Variants in TCF24 observed in about 807,000 individuals in gnomAD.
TCF24 encodes the protein transcription factor 24.
A neutral mutation model predicts 9.3 loss-of-function variants in TCF24; 5 were observed. The ratio of observed to expected loss-of-function variants is 0.54; its 90% CI spans 0.28 to 1.13. TCF24 has a LOEUF of 1.13. Among genes scored for constraint, TCF24 ranks in the 50% most tolerant of loss-of-function variants. TCF24 has a pLI of 0.09. For synonymous variants in TCF24, 110 were observed against 115.8 expected, an observed-to-expected ratio of 0.95 and a Z score of 0.32; for missense variants, 220 against 236.1, an observed-to-expected ratio of 0.93 and a Z score of 0.45.
intron 3 of TCF24, among the ~76,000 whole-genome samples, chr8:66,957,544 C>T (rs1814179788): frequency 6.6e-6 from 1 of 152,012 alleles, no homozygotes; most frequent in Non-Finnish European, 1.5e-5. Context: ...CTAAACCCTG[C>T]ATCTTGATTT....
intron 3 of TCF24, among the ~76,000 whole-genome samples, chr8:66,948,705 A>ATCTAT (rs746421033): frequency 0.016 from 2,241 of 138,138 alleles, 24 homozygotes; most frequent in African/African-American, 0.029. Context: ...CTATCTATCT[A>ATCTAT]TTTTTTTTGA....
At chr8:66,950,066 C>A (rs1470867453) in intron 3 of TCF24, among the ~76,000 whole-genome samples, 2 of 119,108 alleles carry the variant, frequency 1.7e-5, no homozygotes, top group African/African-American at 3.3e-5. Flanking sequence ...TGCCTGTTCA[C>A]TCTGATGGTA....
rs867670904 is a variant in TCF24 at position 66,948,885 on chromosome 8, A to G, written c.391-721T>C. 2.7e-4 allele frequency among the ~76,000 whole-genome samples: 41 copies of G among 152,216 alleles called. No individual in the cohort carries two copies. The Middle Eastern group carries it at 0.017, about 63-fold the overall frequency. ...TAATTTTTGTATTTTTAGTAGAGACAGGGTATTACCACGCTGTCCACGTCG... is the reference window on the plus strand; with the variant it reads ...TAATTTTTGTATTTTTAGTAGAGACGGGGTATTACCACGCTGTCCACGTCG... On this transcript the variant is annotated intron_variant, in intron 3 of 3. Coordinates refer to ENST00000563496, the MANE Select transcript of TCF24 (RefSeq NM_001193502.2).
intron 3 of TCF24, among the ~76,000 whole-genome samples, chr8:66,953,384 G>C (rs1305451448): frequency 2.0e-5 from 3 of 151,020 alleles, no homozygotes; most frequent in African/African-American, 7.3e-5. Context: ...TGAAATTCTG[G>C]GTTGAAAATT....
chr8:66,959,702 A>ATTTTG (rs1814223366), intron 3 of TCF24, among the ~76,000 whole-genome samples: 1 of 152,234 alleles, frequency 6.6e-6, no homozygotes. Flanking sequence ...TAAATGTTTG[A>ATTTTG]TTTTAAAACA....
At chr8:66,957,895 T>TAAAAAAAAAAA (rs11299517) in intron 3 of TCF24, among the ~76,000 whole-genome samples, 3 of 43,062 alleles carry the variant, frequency 7.0e-5, no homozygotes, top group Non-Finnish European at 8.6e-5. Flanking sequence ...TAAGAATTGC[T>TAAAAAAAAAAA]AAAAAAAAAA....
intron 3 of TCF24, among the ~76,000 whole-genome samples, chr8:66,960,394 A>G (rs1814234459): frequency 6.6e-6 from 1 of 152,058 alleles, no homozygotes; most frequent in Non-Finnish European, 1.5e-5. Flanking sequence ...ACTTAAAGCT[A>G]AGTCTTAAGT....
In TCF24 at chr8:66,961,709, G is replaced by A. The variant is rs1814258788; in HGVS notation, c.57C>T (p.Pro19=). Residue 19 remains proline, a synonymous_variant, in exon 3 of 4, where the codon CCC becomes CCT. Transcript: ENST00000563496. ...GCGAGTCGCGGATGGCGGCGGCCAGGGGCGCGGGCTCGGCGCTGGCGCTGA... is the reference window on the plus strand; with the variant it reads ...GCGAGTCGCGGATGGCGGCGGCCAGAGGCGCGGGCTCGGCGCTGGCGCTGA... ...SPLSASAEPA[P]LAAAIRDSRP... 9.1e-7 allele frequency: 1 copy of A among 1,095,238 alleles called. No homozygotes were observed. Among genetic ancestry groups the A allele is most frequent in the Non-Finnish European group, 1.1e-6 (1 of 901,644 alleles). 67.8% of individuals were successfully genotyped at this position (1,095,238 alleles called of 1,614,324 possible).
At chr8:66,955,625 T>A (rs1814141123) in intron 3 of TCF24, among the ~76,000 whole-genome samples, 2 of 152,226 alleles carry the variant, frequency 1.3e-5, no homozygotes, top group Admixed American at 1.3e-4. Context: ...CAACCCAAGT[T>A]GCTAATATTA....
At chr8:66,949,669 G>C (rs1814025518) in intron 3 of TCF24, among the ~76,000 whole-genome samples, 1 of 152,098 alleles carries the variant, frequency 6.6e-6, no homozygotes, top group South Asian at 2.1e-4. Context: ...AGATCCTTGA[G>C]GAATCGCCAC....
intron 3 of TCF24, among the ~76,000 whole-genome samples, chr8:66,960,286 CA>C (rs1814233100): frequency 6.6e-6 from 1 of 151,898 alleles, no homozygotes; most frequent in African/African-American, 2.4e-5. Flanking sequence ...ATTATATTTG[CA>C]AAGTAAATTT....
chr8:66,951,817 T>A (rs1392496677), intron 3 of TCF24, among the ~76,000 whole-genome samples: 1 of 151,904 alleles, frequency 6.6e-6, no homozygotes, highest in African/African-American at 2.4e-5. Flanking sequence ...CCTGGTTTAG[T>A]CTTGGGAGAG....
At chr8:66,961,312 T>C in intron 3 of TCF24, 64 bp downstream of exon 3, 1 of 1,378,410 alleles carries the variant, frequency 7.3e-7, no homozygotes, top group East Asian at 3.0e-5. Flanking sequence ...AGACGGTGAC[T>C]GGCAGGGCAG....
At position 66,961,711 on chromosome 8, in the gene TCF24, G is replaced by A. The variant is rs1243201597; in HGVS notation, c.55C>T (p.Pro19Ser). The change falls in exon 3 of 4, where the codon CCC (proline) becomes TCC (serine). Residue 19 changes from proline (P) to serine (S), a missense_variant. Transcript: ENST00000563496. ...SPLSASAEPA[P>S]LAAAIRDSRP... Reference sequence around the variant, plus strand: ...GAGTCGCGGATGGCGGCGGCCAGGGGCGCGGGCTCGGCGCTGGCGCTGAGG... The same window carrying A: ...GAGTCGCGGATGGCGGCGGCCAGGGACGCGGGCTCGGCGCTGGCGCTGAGG... 5.5e-6 allele frequency: 6 copies of A among 1,095,696 alleles called. No individual in the cohort carries two copies. The highest frequency in any genetic ancestry group is 8.7e-5 in the South Asian group (2 of 22,886). The allele number at this position is 1,095,696 out of a possible 1,614,324, so 67.9% of individuals were successfully genotyped here.
chr8:66,961,088 T>A (rs1814243839), intron 3 of TCF24, among the ~76,000 whole-genome samples: 1 of 152,186 alleles, frequency 6.6e-6, no homozygotes, highest in South Asian at 2.1e-4. Context: ...TTTCTCACCT[T>A]GGTAGGCACA....
chr8:66,948,147 T>C lies in TCF24; in HGVS notation c.408A>G (p.Ser136=), dbSNP rs1194442777. 6.5e-7 allele frequency: 1 copy of C among 1,531,860 alleles called. No individual in the cohort carries two copies. Among genetic ancestry groups the C allele is most frequent in the South Asian group, 1.2e-5 (1 of 82,812 alleles). The allele number at this position is 1,531,860 out of a possible 1,614,324, so 94.9% of individuals were successfully genotyped here. ...LHPVKKWPMR[S]RLYIGATGQF... ...GACCAGTAGCACCGATGTACAATCT[T>C]GATCGCATGGGCCATTTCTGAAAAA... The change falls in exon 4 of 4, where the codon TCA becomes TCG. Residue 136 remains serine (S), a synonymous_variant. Transcript: ENST00000563496.
chr8:66,949,643 T>C, intron 3 of TCF24, among the ~76,000 whole-genome samples: 1 of 152,266 alleles, frequency 6.6e-6, no homozygotes, highest in East Asian at 1.9e-4. Flanking sequence ...CTGGGTCAAA[T>C]GGTATTTCTA....
rs1310806018 is a variant in TCF24, at chr8:66,956,610, G to A, written c.390+4766C>T. Among the ~76,000 whole-genome samples the A allele has an allele frequency of 4.6e-5, 7 of 152,234 alleles. No individual in the cohort carries two copies. In the South Asian group the frequency reaches 1.0e-3, roughly 23 times the overall value. ...ACTCCTGACCGCAAGTGACCCGCCC[G>A]CCTCAGCCTTCCAAAGTGCTGGGAT... On this transcript the variant is annotated intron_variant, in intron 3 of 3. Transcript: ENST00000563496.
At chr8:66,955,550 T>C (rs531358959) in intron 3 of TCF24, among the ~76,000 whole-genome samples, 16 of 152,130 alleles carry the variant, frequency 1.1e-4, no homozygotes, top group Non-Finnish European at 2.1e-4. Flanking sequence ...TGGTAGATAA[T>C]CCACAGTGCT....
Sources: gnomAD v4.1 joint callset for allele counts (sites outside exome capture counted in the v4.1 genomes callset) on GRCh38, gnomAD v4.1.1 for gene constraint, MANE v1.5 for transcripts, NCBI Gene and HGNC (gene_info 2026-07-23, HGNC 2026-07-21) for gene names.